IGDCC3: variants seen among roughly 807,000 people sequenced by gnomAD.
IGDCC3 encodes the protein immunoglobulin superfamily DCC subclass member 3, also known as putative neuronal cell adhesion molecule.
A neutral mutation model predicts 72.0 loss-of-function variants in IGDCC3; 47 were observed. That is an observed-to-expected ratio of 0.65 (90% CI 0.52 to 0.83). The LOEUF is 0.83. IGDCC3 is among the 40% of genes least tolerant of loss of function. IGDCC3 has a pLI of 0.00. For missense variants in IGDCC3, 1,038 were observed against 1,091.3 expected, an observed-to-expected ratio of 0.95 and a Z score of 0.69; for synonymous variants, 477 against 472.8, an observed-to-expected ratio of 1.01 and a Z score of -0.11.
chr15:65,370,614 G>A (rs28474771), intron 2 of IGDCC3, among the ~76,000 whole-genome samples: 31 of 51,684 alleles, frequency 6.0e-4, no homozygotes, highest in African/African-American at 1.9e-3. Context: ...GTATATATAT[G>A]TATGTGTATA....
intron 7 of IGDCC3, 82 bp downstream of exon 7, chr15:65,331,859 C>G (rs965535864): frequency 1.1e-5 from 16 of 1,494,470 alleles, no homozygotes; most frequent in Non-Finnish European, 1.4e-5. Flanking sequence ...AGGAGGTGTA[C>G]AGCCTACTCA....
intron 2 of IGDCC3, chr15:65,355,677 G>A (rs754648045): frequency 3.3e-4 from 10 of 30,288 alleles, no homozygotes; most frequent in Admixed American, 7.2e-4. Context: ...CGCCCCTCCC[G>A]CATAGCAATA....
chr15:65,375,033 C>CG (rs2140175074), intron 2 of IGDCC3, 64 bp downstream of exon 2: 1 of 1,472,152 alleles, frequency 6.8e-7, no homozygotes, highest in East Asian at 2.3e-5. Context: ...TGCCCTCATG[C>CG]CCTAGGCTGA....
chr15:65,327,217 G>T lies in IGDCC3; in HGVS notation c.*1692C>A, dbSNP rs1299139008. 6.5e-6 allele frequency: 1 copy of T among 152,750 alleles called. No individual in the cohort carries two copies. The highest frequency in any genetic ancestry group is 2.4e-5 in the African/African-American group (1 of 41,468). 9.5% of individuals were successfully genotyped at this position (152,750 alleles called of 1,614,324 possible). On this transcript the variant is annotated 3_prime_UTR_variant, in exon 14 of 14. Transcript: ENST00000327987. ...CCAGGTGGCCCCCCAGCCCCCTCCT[G>T]CCCCAGCCGCACCCTTCCCAAGGGA...
chr15:65,327,505 T>TATC lies in IGDCC3; in HGVS notation c.*1401_*1403dup, dbSNP rs1164749490. 2.6e-5 allele frequency: 4 copies of TATC among 152,230 alleles called. No homozygotes were observed. Among genetic ancestry groups the TATC allele is most frequent in the African/African-American group, 7.2e-5 (3 of 41,454 alleles). The allele number at this position is 152,230 out of a possible 1,614,324, so 9.4% of individuals were successfully genotyped here. A position where few individuals can be genotyped will look rare whatever the true frequency, so the allele number is the denominator to read the frequency against. On this transcript the variant is annotated 3_prime_UTR_variant, in exon 14 of 14. Coordinates refer to ENST00000327987, the MANE Select transcript of IGDCC3 (RefSeq NM_004884.4). ...TGGTCTCATTCTTAAGGAATACACT[T>TATC]ATCTTTTTTCTTTAAAAAAAGTTTT...
chr15:65,329,394 G>A lies in IGDCC3; in HGVS notation c.2201C>T (p.Pro734Leu). ...ASAAGQPDPRPTQDPAAPAPC... is the reference protein window; with the variant it reads ...ASAAGQPDPRLTQDPAAPAPC... ...GTTTAAGACATGGGCACTCACTGTGGGTCTGGGGTCCGGCTGCCCTGCTGC... is the reference window on the plus strand; with the variant it reads ...GTTTAAGACATGGGCACTCACTGTGAGTCTGGGGTCCGGCTGCCCTGCTGC... The change falls in exon 13 of 14, where the codon CCC becomes CTC. Residue 734 changes from proline (P) to leucine (L), a missense_variant. Transcript: ENST00000327987. This position sits in a 1 kb window ranked among gnomAD's most constrained non-coding sequence, Gnocchi z 4.1. 1.3e-6 allele frequency: 2 copies of A among 1,585,772 alleles called. No homozygotes were observed. The highest frequency in any genetic ancestry group is 1.7e-6 in the Non-Finnish European group (2 of 1,170,098).
chr15:65,355,130 A>G (rs2091205796), intron 2 of IGDCC3, among the ~76,000 whole-genome samples: 1 of 150,232 alleles, frequency 6.7e-6, no homozygotes, highest in African/African-American at 2.4e-5. Context: ...AGGTGAGGGC[A>G]GAGTGGGCAG....
In IGDCC3 at chr15:65,377,877, G is replaced by A. The variant is rs2091369931; in HGVS notation, c.-89C>T. ...CCCGCGGGGCCGGCGCCGGGGCCGG[G>A]GCTGGGGCTCCGGCCGGGGCCGAGC... On this transcript the variant is annotated 5_prime_UTR_variant, in exon 1 of 14. Transcript: ENST00000327987. This position sits in a 1 kb window ranked among gnomAD's most constrained non-coding sequence, Gnocchi z 4.9. 4 of 1,039,310 alleles carry A rather than the reference G, an allele frequency of 3.8e-6. No individual in the cohort carries two copies. The highest frequency in any genetic ancestry group is 3.5e-6 in the Non-Finnish European group (3 of 865,292). The allele number at this position is 1,039,310 out of a possible 1,614,324, so 64.4% of individuals were successfully genotyped here.
chr15:65,335,326 A>T lies in IGDCC3; in HGVS notation c.650T>A (p.Ile217Asn), dbSNP rs1168152063. 1 of 1,613,436 alleles carries T rather than the reference A, an allele frequency of 6.2e-7. No individual in the cohort carries two copies. The highest frequency in any genetic ancestry group is 1.3e-5 in the African/African-American group (1 of 74,820). The change falls in exon 4 of 14, where the codon ATC (isoleucine) becomes AAC (asparagine). Residue 217 changes from isoleucine to asparagine, a missense_variant. By Grantham distance (149) the Ile-to-Asn change is moderately radical (BLOSUM62 -3). Transcript: ENST00000327987. ...FHCVASNIAS[I>N]RISHGARLTV... ...GAGCCTGGCCCCGTGGCTGATCCGG[A>T]TACTGGCGATGTTTGAGGCCACACA...
chr15:65,330,798 A>T, intron 9 of IGDCC3, 57 bp from the exon 10 acceptor site: 4 of 1,221,158 alleles, frequency 3.3e-6, no homozygotes, highest in East Asian at 2.9e-5. Context: ...CTATCTTTCT[A>T]CCTTCCACCT....
chr15:65,328,154 T>G lies in IGDCC3; in HGVS notation c.*755A>C, dbSNP rs1338472651. 2 of 152,512 alleles carry G rather than the reference T, an allele frequency of 1.3e-5. No homozygotes were observed. The highest frequency in any genetic ancestry group is 4.8e-5 in the African/African-American group (2 of 41,366). The allele number at this position is 152,512 out of a possible 1,614,324, so 9.4% of individuals were successfully genotyped here. A position where few individuals can be genotyped will look rare whatever the true frequency, so the allele number is the denominator to read the frequency against. On this transcript the variant is annotated 3_prime_UTR_variant, in exon 14 of 14. Coordinates refer to ENST00000327987, the MANE Select transcript of IGDCC3 (RefSeq NM_004884.4). ...TCCTCTGCAGGAGAGGTAGGTGGGC[T>G]GTGGGCAGGAGGGGCGGGGAGGCAG... is the stretch of plus-strand genomic sequence containing the variant.
At chr15:65,330,084 A>G (rs182823601) in intron 11 of IGDCC3, among the ~76,000 whole-genome samples, 1 of 152,326 alleles carries the variant, frequency 6.6e-6, no homozygotes. Context: ...ACAGCTTTGT[A>G]AAGTAGGTAC....
In IGDCC3 at chr15:65,327,578, A is replaced by G. The variant is rs1413134629; in HGVS notation, c.*1331T>C. On this transcript the variant is annotated 3_prime_UTR_variant, in exon 14 of 14. Coordinates refer to ENST00000327987, the MANE Select transcript of IGDCC3 (RefSeq NM_004884.4). ...TTTCTGAGTATAACCAAAAATAGGT[A>G]TTTGTTTCCTTGGTTTTCTTTTCTT... is the stretch of plus-strand genomic sequence containing the variant. 1.3e-5 allele frequency: 2 copies of G among 152,446 alleles called. No homozygotes were observed. Among genetic ancestry groups the G allele is most frequent in the African/African-American group, 4.8e-5 (2 of 41,466 alleles). The allele number at this position is 152,446 out of a possible 1,614,324, so 9.4% of individuals were successfully genotyped here. A position where few individuals can be genotyped will look rare whatever the true frequency, so the allele number is the denominator to read the frequency against.
chr15:65,329,191 G>T lies in IGDCC3; in HGVS notation c.2206-43C>A. On this transcript the variant is annotated intron_variant, in intron 13 of 13. Coordinates refer to ENST00000327987, the MANE Select transcript of IGDCC3 (RefSeq NM_004884.4). This position sits in a 1 kb window ranked among gnomAD's most constrained non-coding sequence, Gnocchi z 4.1. ...CACACAGGCGTCAGCTTGAGGGCCAGGGCGCCAGGCTCCAACTCACCCCAC... is the reference window on the plus strand; with the variant it reads ...CACACAGGCGTCAGCTTGAGGGCCATGGCGCCAGGCTCCAACTCACCCCAC... The T allele has an allele frequency of 6.4e-7, 1 of 1,568,982 alleles. No homozygotes were observed.
In IGDCC3 at chr15:65,331,437, G is replaced by A. The variant is rs372859704; in HGVS notation, c.1371C>T (p.Tyr457=). The A allele has an allele frequency of 1.3e-4, 203 of 1,610,516 alleles. No individual in the cohort carries two copies. The highest frequency in any genetic ancestry group is 1.6e-4 in the Non-Finnish European group (184 of 1,178,084). The part of the protein sequence containing the change: ...PLANTKEIIG[Y]VLHIRKAADP... Reference sequence around the variant, plus strand: ...CAGCAGCCTTCCTGATGTGCAGGACGTAGCCGATGATCTCCTTGGTGTTGG... The same window carrying A: ...CAGCAGCCTTCCTGATGTGCAGGACATAGCCGATGATCTCCTTGGTGTTGG... Residue 457 remains tyrosine (Y), a synonymous_variant, in exon 8 of 14, where the codon TAC becomes TAT. Coordinates refer to ENST00000327987, the MANE Select transcript of IGDCC3 (RefSeq NM_004884.4).
intron 2 of IGDCC3, among the ~76,000 whole-genome samples, chr15:65,357,415 T>C (rs753163495): frequency 2.0e-5 from 3 of 152,232 alleles, no homozygotes; most frequent in Non-Finnish European, 2.9e-5. Flanking sequence ...CACAGAGCCC[T>C]TTCTGAGGCT....
rs1220204594 is a variant in IGDCC3, at chr15:65,339,828, C to T, written c.410-3872G>A. On this transcript the variant is annotated intron_variant, in intron 2 of 13. Coordinates refer to ENST00000327987, the MANE Select transcript of IGDCC3 (RefSeq NM_004884.4). The surrounding 1 kb of genome is among the most constrained non-coding windows in gnomAD (Gnocchi z 4.1). ...TGGCTCTTGATGCTTTACACTCCTG[C>T]GGATATCTGTTGGTCTGGTAGGGAC... Among the ~76,000 whole-genome samples the T allele has an allele frequency of 2.6e-5, 4 of 152,266 alleles. No individual in the cohort carries two copies. Among genetic ancestry groups the T allele is most frequent in the South Asian group, 2.1e-4 (1 of 4,828 alleles).
rs750282135 is a variant in IGDCC3, at chr15:65,332,110, C to T, written c.983-4G>A. The T allele has an allele frequency of 1.3e-5, 21 of 1,611,614 alleles. No individual in the cohort carries two copies. The highest frequency in any genetic ancestry group is 3.3e-5 in the South Asian group (3 of 90,788). On this transcript the variant is annotated splice_polypyrimidine_tract_variant and splice_region_variant and intron_variant, in intron 6 of 13. Coordinates refer to ENST00000327987, the MANE Select transcript of IGDCC3 (RefSeq NM_004884.4). ...TGCTGCACAAACTCAGCTGGGGCTG[C>T]GAGTAGAGTCAGGAGGGTGGGGGCG... is the stretch of plus-strand genomic sequence containing the variant.
At position 65,333,244 on chromosome 15, in the gene IGDCC3, G is replaced by A. The variant is rs1048010856; in HGVS notation, c.982+13C>T. On this transcript the variant is annotated intron_variant, in intron 6 of 13. Coordinates refer to ENST00000327987, the MANE Select transcript of IGDCC3 (RefSeq NM_004884.4). ...GATCCCTGCCCTCCTCCTCAGGGTT[G>A]GCTGATCCATACCTTGCACCACCAG... is the stretch of plus-strand genomic sequence containing the variant. 6.3e-7 allele frequency: 1 copy of A among 1,592,264 alleles called. No homozygotes were observed. Among genetic ancestry groups the A allele is most frequent in the Admixed American group, 1.7e-5 (1 of 58,260 alleles).
Sources: gnomAD v4.1 joint callset for allele counts (sites outside exome capture counted in the v4.1 genomes callset) on GRCh38, gnomAD v4.1.1 for gene constraint, Gnocchi (gnomAD v3.1) non-coding constraint, MANE v1.5 for transcripts, NCBI Gene and HGNC (gene_info 2026-07-23, HGNC 2026-07-21) for gene names.